NF1: variants seen among roughly 807,000 people sequenced by gnomAD.
The protein encoded by NF1 is neurofibromin 1.
A neutral mutation model predicts 325.7 loss-of-function variants in NF1; 122 were observed. That is an observed-to-expected ratio of 0.37 (90% CI 0.32 to 0.44). NF1 has a LOEUF of 0.44. NF1 is among the 20% of genes least tolerant of loss of function. NF1 has a pLI of 1.00. For missense variants in NF1, 2,140 were observed against 3,415.4 expected (o/e 0.63, Z 9.31); for synonymous variants, 1,091 against 1,186.0 (o/e 0.92, Z 1.65).
intron 5 of NF1, among the ~76,000 whole-genome samples, chr17:31,178,132 C>T (rs2066057776): frequency 6.6e-6 from 1 of 152,162 alleles, no homozygotes; most frequent in African/African-American, 2.4e-5. Flanking sequence ...GGTCGGGTTA[C>T]CCACAAAGGG....
intron 46 of NF1, among the ~76,000 whole-genome samples, chr17:31,339,118 G>A (rs1026584908): frequency 2.0e-5 from 3 of 152,074 alleles, no homozygotes; most frequent in African/African-American, 7.2e-5. Context: ...TGTTTTAGGC[G>A]CTAGAGATAG....
At chr17:31,206,957 T>G (rs1343365968) in intron 12 of NF1, among the ~76,000 whole-genome samples, 1 of 152,204 alleles carries the variant, frequency 6.6e-6, no homozygotes, top group Admixed American at 6.5e-5. Flanking sequence ...TCACAGATTA[T>G]TACTCTTAAT....
At chr17:31,097,087 TC>T (rs914255952) in intron 1 of NF1, among the ~76,000 whole-genome samples, 34 of 152,352 alleles carry the variant, frequency 2.2e-4, no homozygotes, top group African/African-American at 7.9e-4. Flanking sequence ...TTCAGTTTTT[TC>T]TTAATTTTAT....
In NF1 at chr17:31,301,609, T is replaced by C. The variant is rs1022399935; in HGVS notation, c.4836-24211T>C. Among the ~76,000 whole-genome samples the C allele has an allele frequency of 7.2e-5, 11 of 152,326 alleles. 1 individual carries two copies. The highest frequency in any genetic ancestry group is 3.4e-3 in the Middle Eastern group (1 of 294). On this transcript the variant is annotated intron_variant, in intron 36 of 57. Coordinates refer to ENST00000358273, the MANE Select transcript of NF1 (RefSeq NM_001042492.3). ...CCACTGACACCAAATAGAAGACTTA[T>C]GTGATATATGTATGTTTCAGTGCAT...
intron 24 of NF1, 45 bp downstream of exon 24, chr17:31,230,970 G>T (rs573562091): frequency 2.1e-5 from 29 of 1,376,608 alleles, no homozygotes; most frequent in South Asian, 1.9e-4. Context: ...TTTACTGTGA[G>T]AGTTATAACT....
intron 1 of NF1, among the ~76,000 whole-genome samples, chr17:31,145,425 C>T (rs2143558876): frequency 6.6e-6 from 1 of 152,254 alleles, no homozygotes; most frequent in Middle Eastern, 3.4e-3. Flanking sequence ...TTCCTGACCT[C>T]ATGTGATCCG....
At chr17:31,340,460 T>G (rs1401899003) in intron 46 of NF1, 45 bp from the exon 47 acceptor site, 1 of 1,613,530 alleles carries the variant, frequency 6.2e-7, no homozygotes, top group Non-Finnish European at 8.5e-7. Flanking sequence ...AAAGAGACTA[T>G]GTCATGATTC....
At chr17:31,280,334 G>T in intron 36 of NF1, among the ~76,000 whole-genome samples, 1 of 151,486 alleles carries the variant, frequency 6.6e-6, no homozygotes, top group East Asian at 1.9e-4. Flanking sequence ...CCAACATGGT[G>T]AAAACCCGTC....
intron 36 of NF1, among the ~76,000 whole-genome samples, chr17:31,269,101 G>T (rs191921281): frequency 3.9e-5 from 6 of 152,022 alleles, no homozygotes; most frequent in Admixed American, 2.6e-4. Flanking sequence ...TGCTTTGCTG[G>T]AACTCTGTGT....
chr17:31,249,930 T>C (rs1485364071), intron 30 of NF1: 5 of 485,794 alleles, frequency 1.0e-5, no homozygotes, highest in Non-Finnish European at 2.0e-5. Flanking sequence ...TCAAAACCCA[T>C]GTCTTTGTGT....
At position 31,336,331 on chromosome 17, in the gene NF1, A is replaced by G. The variant is rs1555534595; in HGVS notation, c.6007-2A>G. 1 of 1,613,938 alleles carries G rather than the reference A, an allele frequency of 6.2e-7. No homozygotes were observed. The highest frequency in any genetic ancestry group is 8.5e-7 in the Non-Finnish European group (1 of 1,179,842). ...AACATGTTATTTTCCTTCTTCAACT[A>G]GATTACAGATCTGCTTGATGTTGTA... On this transcript the variant is annotated splice_acceptor_variant, in intron 40 of 57. Coordinates refer to ENST00000358273, the MANE Select transcript of NF1 (RefSeq NM_001042492.3). LOFTEE classifies it high-confidence loss of function. This position sits in a 1 kb window ranked among gnomAD's most constrained non-coding sequence, Gnocchi z 5.5.
chr17:31,349,376 C>G, intron 49 of NF1, 125 bp downstream of exon 49: 1 of 877,136 alleles, frequency 1.1e-6, no homozygotes, highest in Non-Finnish European at 1.7e-6. Context: ...CAGTCTAGTC[C>G]TTTAGTGGTG....
At chr17:31,337,755 C>T in intron 43 of NF1, 64 bp from the exon 44 acceptor site, 11 of 1,539,372 alleles carry the variant, frequency 7.1e-6, no homozygotes, top group Admixed American at 1.7e-5. Context: ...TCATAATAAA[C>T]ATTATTTAAA....
chr17:31,363,819 CA>C (rs2070453690), intron 57 of NF1, among the ~76,000 whole-genome samples: 1 of 151,334 alleles, frequency 6.6e-6, no homozygotes, highest in Admixed American at 6.6e-5. Flanking sequence ...TGGCTCACTG[CA>C]ACCTCTGCCT....
chr17:31,247,548 T>A (rs1226121147), intron 29 of NF1, among the ~76,000 whole-genome samples: 1 of 152,220 alleles, frequency 6.6e-6, no homozygotes, highest in Admixed American at 6.5e-5. Flanking sequence ...CCTCATGTTT[T>A]ACTCAACTGC....
intron 1 of NF1, among the ~76,000 whole-genome samples, chr17:31,121,431 C>T (rs9895653): frequency 0.035 from 3,898 of 110,548 alleles, 69 homozygotes; most frequent in Admixed American, 0.05. Flanking sequence ...GATGGAGTTT[C>T]GCTCTGTCAC....
intron 2 of NF1, among the ~76,000 whole-genome samples, chr17:31,158,358 C>T (rs565378611): frequency 1.1e-4 from 16 of 152,204 alleles, no homozygotes; most frequent in African/African-American, 2.9e-4. Context: ...AAGAGATTTA[C>T]GGAAAGACAT....
chr17:31,340,553 C>T lies in NF1; in HGVS notation c.6970C>T (p.Gln2324Ter), dbSNP rs1131691073. 1 of 1,614,148 alleles carries T rather than the reference C, an allele frequency of 6.2e-7. No individual in the cohort carries two copies. Among genetic ancestry groups the T allele is most frequent in the East Asian group, 2.2e-5 (1 of 44,880 alleles). ...ALFWVAVAVL[Q>*]LDEVNLYSAG... Reference sequence around the variant, plus strand: ...CTTTTGGGTAGCTGTGGCTGTGCTGCAGCTTGATGAGGTCAACTTGTATTC... The same window carrying T: ...CTTTTGGGTAGCTGTGGCTGTGCTGTAGCTTGATGAGGTCAACTTGTATTC... Residue 2324 changes from glutamine to a stop codon, truncating the protein, a stop_gained, in exon 47 of 58, where the codon CAG (glutamine) becomes TAG (stop). Coordinates refer to ENST00000358273, the MANE Select transcript of NF1 (RefSeq NM_001042492.3). LOFTEE classifies it high-confidence loss of function.
At chr17:31,155,861 T>G (rs1401145205) in intron 1 of NF1, 122 bp from the exon 2 acceptor site, 5 of 1,104,014 alleles carry the variant, frequency 4.5e-6, no homozygotes, top group African/African-American at 3.2e-5. Flanking sequence ...GAGATGCAAG[T>G]ATAGGTATCT....
Sources: allele counts gnomAD v4.1 joint callset (sites outside exome capture counted in the v4.1 genomes callset), GRCh38; gene constraint gnomAD v4.1.1; non-coding constraint Gnocchi (gnomAD v3.1); transcripts MANE v1.5; gene names NCBI Gene and HGNC (gene_info 2026-07-23, HGNC 2026-07-21).